GTPBP4: variants seen among roughly 807,000 people sequenced by gnomAD.
The protein encoded by GTPBP4 is GTP-binding protein 4.
GTPBP4 carries 15 observed loss-of-function variants against 81.7 expected under a neutral mutation model. The ratio of observed to expected loss-of-function variants is 0.18; its 90% CI spans 0.12 to 0.28. GTPBP4 has a LOEUF of 0.28. GTPBP4 is among the 10% of genes least tolerant of loss of function. The pLI is 1.00. For missense variants in GTPBP4, 847 were observed against 793.8 expected, an observed-to-expected ratio of 1.07 and a Z score of -0.81; for synonymous variants, 272 against 274.6, an observed-to-expected ratio of 0.99 and a Z score of 0.09.
chr10:1,016,366 G>A (rs145982964), intron 16 of GTPBP4, among the ~76,000 whole-genome samples: 117 of 152,332 alleles, frequency 7.7e-4, no homozygotes, highest in African/African-American at 2.5e-3. Flanking sequence ...TATTTGTAGC[G>A]TCTTTTGGCA....
chr10:991,792 T>C (rs1831448507), intron 1 of GTPBP4, among the ~76,000 whole-genome samples: 1 of 146,452 alleles, frequency 6.8e-6, no homozygotes, highest in African/African-American at 2.5e-5. Flanking sequence ...GCCTCCCGGG[T>C]TCACGCCATT....
At chr10:1,016,636 G>A (rs557690248) in intron 16 of GTPBP4, among the ~76,000 whole-genome samples, 1 of 152,344 alleles carries the variant, frequency 6.6e-6, no homozygotes, top group East Asian at 1.9e-4. Context: ...GTGTAAGAGG[G>A]AGTTAAAACA....
intron 14 of GTPBP4, 31 bp from the exon 15 acceptor site, chr10:1,014,216 T>C: frequency 2.9e-6 from 4 of 1,394,358 alleles, no homozygotes; most frequent in Non-Finnish European, 4.1e-6. Flanking sequence ...CAAACTAATT[T>C]AAAGCTAATA....
rs150247999 is a variant in GTPBP4 at position 1,000,765 on chromosome 10, G to T, written c.743G>T (p.Arg248Leu). The T allele has an allele frequency of 6.2e-7, 1 of 1,608,184 alleles. No homozygotes were observed. Among genetic ancestry groups the T allele is most frequent in the Non-Finnish European group, 8.5e-7 (1 of 1,176,930 alleles). ...GCCATCACTGCCCTGGCCCACCTCC[G>T]TGCTGCGGTCCTGTATGTGATGGAT... Reference protein sequence around the residue: ...MQAITALAHLRAAVLYVMDLS... With the variant: ...MQAITALAHLLAAVLYVMDLS... Residue 248 changes from arginine to leucine, a missense_variant, in exon 7 of 17, where the codon CGT (arginine) becomes CTT (leucine). Coordinates refer to ENST00000360803, the MANE Select transcript of GTPBP4 (RefSeq NM_012341.3).
rs576646621 is a variant in GTPBP4, at chr10:1,000,172, GT to G, written c.655-502del. Among the ~76,000 whole-genome samples, 407 of 145,210 alleles carry G rather than the reference GT, an allele frequency of 2.8e-3. 1 individual carries two copies. Among genetic ancestry groups the G allele is most frequent in the African/African-American group, 9.9e-3 (391 of 39,438 alleles). ...CAGGGTTCCTCCTCCCTTTTTTGAT[GT>G]TTAAATAGTATGTACTTTTCTGTCA... On this transcript the variant is annotated intron_variant, in intron 6 of 16. Transcript: ENST00000360803.
Position 1,019,491 on chromosome 10 carries a change from C to A in GTPBP4, c.*2264C>A. 6.3e-7 allele frequency: 1 copy of A among 1,586,298 alleles called. No individual in the cohort carries two copies. ...GTCTGCCTGCACTGAGGGCATTACA[C>A]ATGGCTGACTCGACCTCCCTGCCTC... On this transcript the variant is annotated 3_prime_UTR_variant, in exon 17 of 17. Coordinates refer to ENST00000360803, the MANE Select transcript of GTPBP4 (RefSeq NM_012341.3).
chr10:1,010,120 TTCC>T (rs1831825396), intron 12 of GTPBP4, among the ~76,000 whole-genome samples: 4 of 126,318 alleles, frequency 3.2e-5, no homozygotes, highest in Admixed American at 2.6e-4. Context: ...GATGTGTTGT[TTCC>T]TGTTGTTTTG....
intron 1 of GTPBP4, among the ~76,000 whole-genome samples, chr10:991,845 G>A (rs866632460): frequency 3.3e-5 from 5 of 149,414 alleles, no homozygotes; most frequent in South Asian, 2.1e-4. Context: ...ACAGGTGCCC[G>A]CTACCACGCC....
chr10:994,417 TG>T (rs1254784213), intron 2 of GTPBP4, among the ~76,000 whole-genome samples: 1 of 152,056 alleles, frequency 6.6e-6, no homozygotes, highest in African/African-American at 2.4e-5. Flanking sequence ...TACAGGCATG[TG>T]CGACTATACC....
At chr10:990,625 A>C (rs1831424381) in intron 1 of GTPBP4, among the ~76,000 whole-genome samples, 2 of 149,494 alleles carry the variant, frequency 1.3e-5, no homozygotes, top group Admixed American at 1.4e-4. Context: ...GGGGAGGCTG[A>C]GGCAGGAGAA....
chr10:996,274 A>G (rs369743850), intron 4 of GTPBP4, 32 bp downstream of exon 4: 14 of 1,588,842 alleles, frequency 8.8e-6, no homozygotes, highest in Admixed American at 1.8e-5. Flanking sequence ...GAACCGTGCT[A>G]GCATCCTGCT....
intron 8 of GTPBP4, among the ~76,000 whole-genome samples, chr10:1,002,472 T>C (rs1393823357): frequency 6.6e-6 from 1 of 152,240 alleles, no homozygotes; most frequent in Non-Finnish European, 1.5e-5. Context: ...TCAGTCTATG[T>C]GTGTCTTAAT....
In GTPBP4 at chr10:1,000,749, G is replaced by T; in HGVS notation, c.727G>T (p.Ala243Ser). The T allele has an allele frequency of 1.9e-6, 3 of 1,602,470 alleles. No individual in the cohort carries two copies. The highest frequency in any genetic ancestry group is 1.3e-5 in the African/African-American group (1 of 74,790). The change falls in exon 7 of 17, where the codon GCC (alanine) becomes TCC (serine). Residue 243 changes from alanine (A) to serine (S), a missense_variant. Ala to Ser is a moderately conservative substitution (Grantham distance 99, BLOSUM62 1). Coordinates refer to ENST00000360803, the MANE Select transcript of GTPBP4 (RefSeq NM_012341.3). The stretch of plus-strand genomic sequence containing the variant: ...CACCATCGAGATGCAGGCCATCACT[G>T]CCCTGGCCCACCTCCGTGCTGCGGT... ...RNTIEMQAIT[A>S]LAHLRAAVLY...
Position 1,012,520 on chromosome 10 carries a change from A to G in GTPBP4, c.1400A>G (p.Asp467Gly), listed in dbSNP as rs772704197. 12 of 1,613,194 alleles carry G rather than the reference A, an allele frequency of 7.4e-6. No homozygotes were observed. The South Asian group carries it at 9.9e-5, about 13-fold the overall frequency. Residue 467 changes from aspartate (D) to glycine (G), a missense_variant, in exon 14 of 17, where the codon GAC becomes GGC. This residue lies in a region of GTPBP4 where 600 missense variants were observed against 557.1 expected (regional missense o/e 1.08). Coordinates refer to ENST00000360803, the MANE Select transcript of GTPBP4 (RefSeq NM_012341.3). Reference sequence around the variant, plus strand: ...CTGAGAACAGCTGCTGGAGAGTATGACAGTGTATCTGAGAGTGAAGACGAA... The same window carrying G: ...CTGAGAACAGCTGCTGGAGAGTATGGCAGTGTATCTGAGAGTGAAGACGAA... ...EELRTAAGEY[D>G]SVSESEDEEM...
chr10:1,008,975 C>T lies in GTPBP4; in HGVS notation c.1131C>T (p.Ile377=), dbSNP rs1336984668. ...RRDDKERPPF[I]PEGVVARRKR... ...CTTCTCAGGAGAGGCCCCCTTTCATCCCTGAAGGAGTGGTGGCTCGCAGGA... is the reference window on the plus strand; with the variant it reads ...CTTCTCAGGAGAGGCCCCCTTTCATTCCTGAAGGAGTGGTGGCTCGCAGGA... The change falls in exon 11 of 17, where the codon ATC becomes ATT. Residue 377 remains isoleucine, a synonymous_variant. Coordinates refer to ENST00000360803, the MANE Select transcript of GTPBP4 (RefSeq NM_012341.3). 6.2e-7 allele frequency: 1 copy of T among 1,611,268 alleles called. No individual in the cohort carries two copies. The highest frequency in any genetic ancestry group is 8.5e-7 in the Non-Finnish European group (1 of 1,177,394).
At chr10:1,007,785 C>A in intron 10 of GTPBP4, 1 of 441,688 alleles carries the variant, frequency 2.3e-6, no homozygotes, top group Non-Finnish European at 4.5e-6. Context: ...TCGGCGTGGT[C>A]GGGCACTGAC....
Position 1,017,210 on chromosome 10 carries a change from A to G in GTPBP4, c.1888A>G (p.Lys630Glu). ...GCTGTCTGGGAAGAGGAAAGCTGGT[A>G]AAAAGGACAGGAGATAGTATCCGTT... ...HLLSGKRKAGKKDRR is the reference protein window; with the variant it reads ...HLLSGKRKAGEKDRR The change falls in exon 17 of 17, where the codon AAA becomes GAA. Residue 630 changes from lysine to glutamate, a missense_variant. Around this residue, in one of 3 missense-constraint regions of GTPBP4, gnomAD observed 600 missense variants for 557.1 expected, o/e 1.08. Coordinates refer to ENST00000360803, the MANE Select transcript of GTPBP4 (RefSeq NM_012341.3). 10 of 1,614,056 alleles carry G rather than the reference A, an allele frequency of 6.2e-6. No individual in the cohort carries two copies. The highest frequency in any genetic ancestry group is 1.3e-5 in the African/African-American group (1 of 75,056).
chr10:993,297 G>C (rs1286840430), intron 2 of GTPBP4, among the ~76,000 whole-genome samples: 1 of 152,102 alleles, frequency 6.6e-6, no homozygotes, highest in African/African-American at 2.4e-5. Context: ...CTGTTGCCCA[G>C]GCTGGAGTGC....
chr10:1,011,631 A>G lies in GTPBP4; in HGVS notation c.1345-834A>G, dbSNP rs569841022. Among the ~76,000 whole-genome samples, 6 of 152,236 alleles carry G rather than the reference A, an allele frequency of 3.9e-5. No homozygotes were observed. The South Asian group carries it at 1.2e-3, about 32-fold the overall frequency. ...CCACAGGCCCTCCGTCATTGAGTTC[A>G]CATTTTCAGTCTCGTGGTCTCTGTG... On this transcript the variant is annotated intron_variant, in intron 13 of 16. Transcript: ENST00000360803.
Sources: allele counts gnomAD v4.1 joint callset (sites outside exome capture counted in the v4.1 genomes callset), GRCh38; gene constraint gnomAD v4.1.1; regional missense constraint gnomAD v4.1.1; transcripts MANE v1.5; gene names NCBI Gene and HGNC (gene_info 2026-07-23, HGNC 2026-07-21).